The following SDK1 variants were observed in gnomAD, a reference collection of about 807,000 sequenced individuals.
The protein encoded by SDK1 is protein sidekick-1.
Under a neutral mutation model 245.5 loss-of-function variants are expected in SDK1, and 157 were observed. The observed-to-expected ratio is 0.64, with a 90% confidence interval of 0.56 to 0.73. SDK1 has a LOEUF of 0.73. SDK1 is among the 30% of genes least tolerant of loss of function. The probability of loss-of-function intolerance (pLI) is 0.00; values close to 1 mark genes in which losing one functional copy is unlikely to be tolerated. For missense variants in SDK1, 3,583 were observed against 3,002.3 expected (o/e 1.19, Z -4.52); for synonymous variants, 1,647 against 1,278.5 (o/e 1.29, Z -6.15).
At chr7:3,938,427 G>C (rs370624178) in intron 5 of SDK1, among the ~76,000 whole-genome samples, 2 of 152,196 alleles carry the variant, frequency 1.3e-5, no homozygotes, top group African/African-American at 4.8e-5. Context: ...AGGATCACAA[G>C]GTCAGGAGAT....
chr7:3,609,547 C>T (rs188621607), intron 1 of SDK1, among the ~76,000 whole-genome samples: 4 of 152,032 alleles, frequency 2.6e-5, no homozygotes, highest in Admixed American at 1.3e-4. Flanking sequence ...ATTACAGGCA[C>T]GTGCCACCAT....
At chr7:3,720,528 A>G (rs1040874403) in intron 4 of SDK1, among the ~76,000 whole-genome samples, 8 of 152,228 alleles carry the variant, frequency 5.3e-5, no homozygotes, top group African/African-American at 1.9e-4. Flanking sequence ...CCACAAGGAG[A>G]TATCACTACA....
At chr7:4,174,392 G>A in intron 33 of SDK1, 35 bp downstream of exon 33, 1 of 1,609,640 alleles carries the variant, frequency 6.2e-7, no homozygotes, top group South Asian at 1.1e-5. Flanking sequence ...TACAGGGAGG[G>A]AGGTTCCCAG....
intron 1 of SDK1, among the ~76,000 whole-genome samples, chr7:3,492,466 C>A (rs1781893749): frequency 6.6e-6 from 1 of 152,212 alleles, no homozygotes; most frequent in Non-Finnish European, 1.5e-5. Flanking sequence ...CACACTCCAA[C>A]CTGGGCGACA....
chr7:4,035,604 G>C (rs1438263288), intron 17 of SDK1, among the ~76,000 whole-genome samples: 1 of 152,172 alleles, frequency 6.6e-6, no homozygotes, highest in Non-Finnish European at 1.5e-5. Context: ...TGGGAAATGA[G>C]ATTTTCAGCC....
intron 5 of SDK1, among the ~76,000 whole-genome samples, chr7:3,850,091 T>A (rs1780380396): frequency 6.6e-6 from 1 of 152,174 alleles, no homozygotes; most frequent in Non-Finnish European, 1.5e-5. Flanking sequence ...TACAAGGTAT[T>A]TTCTTCCACA....
intron 7 of SDK1, among the ~76,000 whole-genome samples, chr7:3,955,791 T>C (rs1328872512): frequency 6.6e-6 from 1 of 152,204 alleles, no homozygotes; most frequent in African/African-American, 2.4e-5. Flanking sequence ...TCCACTGCGG[T>C]TGCCTCCATT....
At chr7:4,245,179 C>T (rs1054658207) in intron 43 of SDK1, among the ~76,000 whole-genome samples, 20 of 152,116 alleles carry the variant, frequency 1.3e-4, no homozygotes, top group Admixed American at 6.5e-4. Flanking sequence ...CCAGAGAGGA[C>T]GAATGCTCCC....
intron 1 of SDK1, among the ~76,000 whole-genome samples, chr7:3,368,178 G>A (rs754968499): frequency 6.6e-6 from 1 of 152,224 alleles, no homozygotes; most frequent in Non-Finnish European, 1.5e-5. Flanking sequence ...AACCAATAAC[G>A]TGTAAAATTG....
intron 1 of SDK1, among the ~76,000 whole-genome samples, chr7:3,497,996 C>T (rs1230367574): frequency 6.6e-6 from 1 of 152,212 alleles, no homozygotes; most frequent in African/African-American, 2.4e-5. Flanking sequence ...TGCAGTTTGA[C>T]AGTTCAGCCA....
intron 5 of SDK1, among the ~76,000 whole-genome samples, chr7:3,836,735 C>T (rs1436448779): frequency 2.0e-5 from 3 of 152,212 alleles, no homozygotes; most frequent in African/African-American, 7.2e-5. Context: ...TAAAATTCCA[C>T]AATGAGTATT....
rs757164970 is a variant in SDK1 at position 4,067,834 on chromosome 7, G to A, written c.2912-4G>A. ...TAACAGATGACTTTGCTTTTAATTG[G>A]TAGAACCAGGAGCTGTGGGACATCT... On this transcript the variant is annotated splice_polypyrimidine_tract_variant and splice_region_variant and intron_variant, in intron 19 of 44. Coordinates refer to ENST00000404826, the MANE Select transcript of SDK1 (RefSeq NM_152744.4). 12 of 1,609,758 alleles carry A rather than the reference G, an allele frequency of 7.5e-6. No homozygotes were observed. In the Admixed American group the frequency reaches 1.5e-4, roughly 20 times the overall value.
intron 2 of SDK1, among the ~76,000 whole-genome samples, chr7:3,624,821 G>C (rs1292696502): frequency 6.6e-6 from 1 of 151,854 alleles, no homozygotes; most frequent in South Asian, 2.1e-4. Context: ...CGAGGGAGGC[G>C]CATCACCTGA....
intron 5 of SDK1, among the ~76,000 whole-genome samples, chr7:3,871,228 C>T (rs975040983): frequency 6.6e-6 from 1 of 151,690 alleles, no homozygotes; most frequent in African/African-American, 2.4e-5. Context: ...TTGTTCATTG[C>T]TGGTATATAA....
In SDK1 at chr7:4,049,522, A is replaced by T; in HGVS notation, c.2718+59A>T. ...TGTCATTGTCTGGAGCCACAGCGCG[A>T]CGCAGCTGGAGGCACCCCCTCTTGT... On this transcript the variant is annotated intron_variant, in intron 18 of 44. Transcript: ENST00000404826. 3.0e-6 allele frequency: 4 copies of T among 1,334,254 alleles called. No homozygotes were observed. In the Admixed American group the frequency reaches 5.2e-5, roughly 17 times the overall value. The allele number at this position is 1,334,254 out of a possible 1,614,324, so 82.7% of individuals were successfully genotyped here. A position where few individuals can be genotyped will look rare whatever the true frequency, so the allele number is the denominator to read the frequency against.
intron 22 of SDK1, among the ~76,000 whole-genome samples, chr7:4,083,855 C>A (rs957412559): frequency 1.3e-5 from 2 of 149,628 alleles, no homozygotes; most frequent in Admixed American, 6.7e-5. Context: ...CTGTCTCCCT[C>A]CCTCCCTAAG....
At chr7:3,869,043 G>T (rs1414061341) in intron 5 of SDK1, among the ~76,000 whole-genome samples, 1 of 151,940 alleles carries the variant, frequency 6.6e-6, no homozygotes, top group Non-Finnish European at 1.5e-5. Context: ...TGGTGATTCT[G>T]TGTGGGAGAT....
intron 35 of SDK1, among the ~76,000 whole-genome samples, chr7:4,196,892 C>A (rs1029404866): frequency 6.6e-6 from 1 of 152,198 alleles, no homozygotes; most frequent in Non-Finnish European, 1.5e-5. Flanking sequence ...TCTCTCCATC[C>A]CCTGACTTTT....
At chr7:3,770,916 C>T (rs1780389731) in intron 4 of SDK1, among the ~76,000 whole-genome samples, 1 of 152,072 alleles carries the variant, frequency 6.6e-6, no homozygotes, top group African/African-American at 2.4e-5. Context: ...TTCTTTGTTG[C>T]CATCTTCCTC....
Sources: allele counts gnomAD v4.1 joint callset (sites outside exome capture counted in the v4.1 genomes callset), GRCh38; gene constraint gnomAD v4.1.1; transcripts MANE v1.5; gene names NCBI Gene and HGNC (gene_info 2026-07-23, HGNC 2026-07-21).